Variants in ZNF232 observed in about 807,000 individuals in gnomAD.
ZNF232 encodes the protein zinc finger protein 232, also known as zinc finger and SCAN domain-containing protein 11.
In ZNF232, 25 loss-of-function variants were observed where a neutral mutation model predicts 25.2. The ratio of observed to expected loss-of-function variants is 0.99; its 90% CI spans 0.72 to 1.39. The LOEUF is 1.39. Among genes scored for constraint, ZNF232 ranks in the 40% most tolerant of loss-of-function variants. ZNF232 has a pLI of 0.00. For missense variants in ZNF232, 519 were observed against 520.9 expected (o/e 1.00, Z 0.04); for synonymous variants, 193 against 182.9 (o/e 1.06, Z -0.45).
rs1263477150 is a variant in ZNF232 at position 5,109,061 on chromosome 17, G to C, written c.499-9C>G. 6.2e-7 allele frequency: 1 copy of C among 1,613,780 alleles called. No individual in the cohort carries two copies. The highest frequency in any genetic ancestry group is 1.1e-5 in the South Asian group (1 of 91,018). ...TGTGCAGGGCCTGGGACCTGGAGGT[G>C]ATCAGGCACCACTCAGTTTAAATTT... On this transcript the variant is annotated splice_polypyrimidine_tract_variant and intron_variant, in intron 2 of 3. Coordinates refer to ENST00000575898, the Ensembl canonical transcript of ZNF232.
chr17:5,108,669 G>C (rs542582390), intron 3 of ZNF232: 1 of 389,696 alleles, frequency 2.6e-6, no homozygotes, highest in South Asian at 2.9e-5. Context: ...AAGAGATGCT[G>C]GCCAGGCTTT....
Position 5,111,784 on chromosome 17 carries a change from C to G in ZNF232, c.23+16G>C, listed in dbSNP as rs772841070. 1 of 1,613,812 alleles carries G rather than the reference C, an allele frequency of 6.2e-7. No individual in the cohort carries two copies. Among genetic ancestry groups the G allele is most frequent in the Admixed American group, 1.7e-5 (1 of 60,024 alleles). ...GCCGCCAGGTGGACCTCGGGGAAGC[C>G]GCCGCCAACACTCACCTCACAGGAC... On this transcript the variant is annotated intron_variant, in intron 1 of 3. Coordinates refer to ENST00000575898, the Ensembl canonical transcript of ZNF232.
intron 1 of ZNF232, among the ~76,000 whole-genome samples, chr17:5,110,552 A>G (rs2072378283): frequency 6.6e-6 from 1 of 152,208 alleles, no homozygotes. Context: ...TTGGGGAGGC[A>G]GCCTCCTCTG....
At chr17:5,106,531 G>A in intron 3 of ZNF232, 1 of 1,582,618 alleles carries the variant, frequency 6.3e-7, no homozygotes, top group Non-Finnish European at 8.6e-7. Flanking sequence ...AAATATACCT[G>A]TTCTGGATGT....
upstream of ZNF232, among the ~76,000 whole-genome samples, chr17:5,115,575 C>T (rs898427309): frequency 6.7e-6 from 1 of 149,432 alleles, no homozygotes; most frequent in African/African-American, 2.5e-5. Flanking sequence ...CACACACACA[C>T]AAAACCCAAA....
At chr17:5,120,509 GTGTC>G (rs546927224) in intron 1 of ZNF232, 391 of 333,488 alleles carry the variant, frequency 1.2e-3, no homozygotes, top group South Asian at 2.1e-3. Flanking sequence ...TGGCCTATCT[GTGTC>G]TGTCTGTCTG....
At chr17:5,111,481 C>G in intron 1 of ZNF232, 2 of 468,672 alleles carry the variant, frequency 4.3e-6, no homozygotes, top group Non-Finnish European at 7.6e-6. Context: ...CAAAACTTCT[C>G]TACCCCGGCC....
chr17:5,111,822 T>C (rs757379456), exon 1 of ZNF232: 7 of 1,613,834 alleles, frequency 4.3e-6, no homozygotes, highest in Non-Finnish European at 5.1e-6. Flanking sequence ...GGAGGTTCCA[T>C]CGGGGCGCTG....
upstream of ZNF232, chr17:5,112,488 G>T (rs2072440548): frequency 6.6e-6 from 1 of 151,842 alleles, no homozygotes; most frequent in African/African-American, 2.4e-5. Context: ...GTCTTGCTCT[G>T]TCGCCCAGGC....
intron 1 of ZNF232, chr17:5,120,738 A>C (rs2072635035): frequency 2.3e-6 from 1 of 437,892 alleles, no homozygotes; most frequent in African/African-American, 2.0e-5. Flanking sequence ...CCAGGACAAG[A>C]AATTGGTGGA....
Position 5,109,064 on chromosome 17 carries a change from C to G in ZNF232, c.499-12G>C. The G allele has an allele frequency of 6.2e-7, 1 of 1,613,902 alleles. No individual in the cohort carries two copies. Among genetic ancestry groups the G allele is most frequent in the Non-Finnish European group, 8.5e-7 (1 of 1,179,924 alleles). Reference sequence around the variant, plus strand: ...GCAGGGCCTGGGACCTGGAGGTGATCAGGCACCACTCAGTTTAAATTTTCT... The same window carrying G: ...GCAGGGCCTGGGACCTGGAGGTGATGAGGCACCACTCAGTTTAAATTTTCT... On this transcript the variant is annotated splice_polypyrimidine_tract_variant and intron_variant, in intron 2 of 3. Transcript: ENST00000575898.
intron 1 of ZNF232, chr17:5,120,898 G>A: frequency 2.2e-6 from 1 of 454,560 alleles, no homozygotes; most frequent in Non-Finnish European, 4.4e-6. Flanking sequence ...GAAGGACTTT[G>A]GAAACCAGTT....
intron 3 of ZNF232, 118 bp from the exon 4 acceptor site, chr17:5,106,651 AAC>A: frequency 8.1e-6 from 7 of 865,346 alleles, no homozygotes; most frequent in Non-Finnish European, 1.2e-5. Context: ...GGATATTGCC[AAC>A]AGTTATCTCT....
chr17:5,120,871 A>G (rs1015707652), intron 1 of ZNF232: 2 of 454,456 alleles, frequency 4.4e-6, no homozygotes, highest in Non-Finnish European at 8.8e-6. Flanking sequence ...TGGCAGATCC[A>G]CAGGCTGTCC....
Position 5,119,269 on chromosome 17 carries a change from C to G in ZNF232, c.-530+3708G>C, listed in dbSNP as rs530516237. Among the ~76,000 whole-genome samples, 8 of 152,310 alleles carry G rather than the reference C, an allele frequency of 5.3e-5. No individual in the cohort carries two copies. The South Asian group carries it at 1.5e-3, about 28-fold the overall frequency. On this transcript the variant is annotated intron_variant, in intron 1 of 4. Transcript: ENST00000250076. ...ACTTTGATCATTTAGGCTCTTTTCT[C>G]AAAGTTCCAAAGTAGACTGCTCCCT...
chr17:5,113,468 A>G (rs1171036053), upstream of ZNF232: 1 of 152,270 alleles, frequency 6.6e-6, no homozygotes, highest in Admixed American at 6.5e-5. Flanking sequence ...TCAAACTTCA[A>G]TGTGCCATTA....
chr17:5,107,916 T>TA (rs112466413), intron 3 of ZNF232, among the ~76,000 whole-genome samples: 17,496 of 149,514 alleles, frequency 0.12, 1,198 homozygotes, highest in East Asian at 0.22. Flanking sequence ...TTGCTATATA[T>TA]AAAAAAAAAA....
exon 2 of ZNF232, chr17:5,109,732 G>A (rs2072351135): frequency 6.2e-7 from 1 of 1,614,078 alleles, no homozygotes; most frequent in South Asian, 1.1e-5. Flanking sequence ...TCTTCCTTTG[G>A]TCCCATCATC....
intron 3 of ZNF232, 75 bp from the exon 4 acceptor site, chr17:5,106,608 A>G: frequency 8.1e-7 from 1 of 1,241,510 alleles, no homozygotes; most frequent in Middle Eastern, 2.1e-4. Context: ...AAAAACAACT[A>G]TATATATGAC....
Sources: gnomAD v4.1 joint callset for allele counts (sites outside exome capture counted in the v4.1 genomes callset) on GRCh38, gnomAD v4.1.1 for gene constraint, MANE v1.5 for transcripts, NCBI Gene and HGNC (gene_info 2026-07-23, HGNC 2026-07-21) for gene names.